The following LTF variants were observed in gnomAD, a reference collection of about 807,000 sequenced individuals.
The protein encoded by LTF is lactotransferrin, also known as epididymis luminal protein 110.
A neutral mutation model predicts 87.2 loss-of-function variants in LTF; 91 were observed. The ratio of observed to expected loss-of-function variants is 1.04; its 90% CI spans 0.88 to 1.24. LTF has a LOEUF of 1.24. Among genes scored for constraint, LTF ranks in the 50% most tolerant of loss-of-function variants. The pLI is 0.00. For synonymous variants in LTF, 378 were observed against 356.1 expected (o/e 1.06, Z -0.69); for missense variants, 901 against 904.3 (o/e 1.00, Z 0.05).
chr3:46,471,252 C>G (rs966817286), intron 1 of LTF, among the ~76,000 whole-genome samples: 1 of 152,186 alleles, frequency 6.6e-6, no homozygotes, highest in Non-Finnish European at 1.5e-5. Context: ...TGTCTCTGTC[C>G]TAATCCCTGC....
chr3:46,459,709 G>A lies in LTF; in HGVS notation c.154C>T (p.Pro52Ser). ...QRNMRKVRGPPVSCIKRDSPI... is the reference protein window; with the variant it reads ...QRNMRKVRGPSVSCIKRDSPI... ...GAGTCTCTCTTTATGCAGCTGACAG[G>A]AGGGCCACGCACTTTTCTCATATTC... The change falls in exon 2 of 17, where the codon CCT becomes TCT. Residue 52 changes from proline to serine, a missense_variant. By Grantham distance (74) the Pro-to-Ser change is moderately conservative (BLOSUM62 -1). Transcript: ENST00000231751. 1 of 1,575,052 alleles carries A rather than the reference G, an allele frequency of 6.3e-7. No individual in the cohort carries two copies. Among genetic ancestry groups the A allele is most frequent in the Non-Finnish European group, 8.6e-7 (1 of 1,164,116 alleles).
chr3:46,438,694 T>C (rs957844554), intron 15 of LTF, among the ~76,000 whole-genome samples: 3 of 152,330 alleles, frequency 2.0e-5, no homozygotes, highest in Admixed American at 2.0e-4. Flanking sequence ...AAGAGCTCCA[T>C]AAAGGCCAGT....
Position 46,445,448 on chromosome 3 carries a change from G to A in LTF, c.1358-12C>T. The stretch of plus-strand genomic sequence containing the variant: ...CACAGCAAGATATCCTGGCATAACA[G>A]ATGACAGAAAAACAAGTCTTAACCT... On this transcript the variant is annotated splice_polypyrimidine_tract_variant and intron_variant, in intron 11 of 16. Transcript: ENST00000231751. The A allele has an allele frequency of 1.2e-6, 2 of 1,606,066 alleles. No homozygotes were observed. The highest frequency in any genetic ancestry group is 4.5e-5 in the East Asian group (2 of 44,576).
At chr3:46,464,137 A>G (rs1703154184) in intron 1 of LTF, among the ~76,000 whole-genome samples, 2 of 152,102 alleles carry the variant, frequency 1.3e-5, no homozygotes, top group Admixed American at 1.3e-4. Context: ...TTAGGTCACT[A>G]ATGTGCAGCG....
chr3:46,457,604 G>A (rs1302335385), intron 2 of LTF, among the ~76,000 whole-genome samples: 2 of 152,256 alleles, frequency 1.3e-5, no homozygotes, highest in East Asian at 3.9e-4. Context: ...AGCAGGGCAG[G>A]CTATCATTCT....
At chr3:46,479,364 C>A (rs1703403385) in intron 1 of LTF, among the ~76,000 whole-genome samples, 1 of 152,180 alleles carries the variant, frequency 6.6e-6, no homozygotes, top group African/African-American at 2.4e-5. Context: ...CTGTGGGTAC[C>A]TAGAAGACCA....
rs371098365 is a variant in LTF, at chr3:46,455,765, G to A, written c.499+31C>T. On this transcript the variant is annotated intron_variant, in intron 4 of 16. Transcript: ENST00000231751. ...ACAACTGGAATAGAGCCCCCTGCCT[G>A]AGGCCACTCACTATCCCCCAGCCAT... 2.6e-6 allele frequency: 4 copies of A among 1,537,188 alleles called. No homozygotes were observed. The African/African-American group carries it at 5.5e-5, about 21-fold the overall frequency.
chr3:46,450,971 C>T (rs897156255), intron 6 of LTF, among the ~76,000 whole-genome samples: 2 of 152,162 alleles, frequency 1.3e-5, no homozygotes, highest in East Asian at 3.9e-4. Flanking sequence ...TCTGTTTCTG[C>T]GGCATCTCTG....
In LTF at chr3:46,439,470, A is replaced by C; in HGVS notation, c.1734T>G (p.Asn578Lys). Residue 578 changes from asparagine (N) to lysine (K), a missense_variant, in exon 15 of 17, where the codon AAT (asparagine) becomes AAG (lysine). Asn to Lys is a moderately conservative substitution (Grantham distance 94, BLOSUM62 0). Coordinates refer to ENST00000231751, the MANE Select transcript of LTF (RefSeq NM_002343.6). Reference protein sequence around the residue: ...TVLQNTDGNNNEAWAKDLKLA... With the variant: ...TVLQNTDGNNKEAWAKDLKLA... ...GCTTCAAATCCTTAGCCCATGCCTC[A>C]TTGTTATTTCCTGGGGAGAAAAAGA... 3 of 1,604,684 alleles carry C rather than the reference A, an allele frequency of 1.9e-6. No homozygotes were observed. Among genetic ancestry groups the C allele is most frequent in the Non-Finnish European group, 2.6e-6 (3 of 1,175,362 alleles).
intron 9 of LTF, 103 bp downstream of exon 9, chr3:46,448,760 G>T: frequency 7.1e-7 from 1 of 1,398,792 alleles, no homozygotes; most frequent in Non-Finnish European, 9.7e-7. Context: ...GCCTCACCCA[G>T]GCCCCCGTGG....
At chr3:46,445,531 G>T in intron 11 of LTF, 95 bp from the exon 12 acceptor site, 2 of 1,101,382 alleles carry the variant, frequency 1.8e-6, no homozygotes, top group East Asian at 2.6e-5. Flanking sequence ...GCCAAAACAG[G>T]CCAAGAAGCA....
Position 46,443,060 on chromosome 3 carries a change from C to T in LTF, c.1655+381G>A, listed in dbSNP as rs182617250. Among the ~76,000 whole-genome samples, 17 of 152,268 alleles carry T rather than the reference C, an allele frequency of 1.1e-4. No individual in the cohort carries two copies. In the South Asian group the frequency reaches 2.9e-3, roughly 26 times the overall value. ...AGGGAAACCTAAGCCATAGTCATGACCTAGGTGAGAAGAAAAGGGGCGGCG... is the reference window on the plus strand; with the variant it reads ...AGGGAAACCTAAGCCATAGTCATGATCTAGGTGAGAAGAAAAGGGGCGGCG... On this transcript the variant is annotated intron_variant, in intron 13 of 16. Transcript: ENST00000231751.
In LTF at chr3:46,464,837, G is replaced by C; in HGVS notation, c.31C>G (p.Leu11Val). Residue 11 changes from leucine (L) to valine (V), a missense_variant, in exon 1 of 17, where the codon CTC (leucine) becomes GTC (valine). Physicochemically the swap from Leu to Val is conservative, Grantham distance 32. Transcript: ENST00000231751. MKLVFLVLLFLGALGLCLAGR... is the reference protein window; with the variant it reads MKLVFLVLLFVGALGLCLAGR... The stretch of plus-strand genomic sequence containing the variant: ...CACCTGCACTCACCGAGGGCCCCGA[G>C]GAACAGCAGGACGAGGAAGACAAGT... 5.6e-6 allele frequency: 9 copies of C among 1,614,064 alleles called. No homozygotes were observed. Among genetic ancestry groups the C allele is most frequent in the Non-Finnish European group, 7.6e-6 (9 of 1,180,002 alleles).
chr3:46,463,924 G>A (rs890944928), intron 1 of LTF, among the ~76,000 whole-genome samples: 2 of 152,152 alleles, frequency 1.3e-5, no homozygotes, highest in East Asian at 1.9e-4. Flanking sequence ...TCTATCCACC[G>A]CCACCTCTTC....
rs757853462 is a variant in LTF, at chr3:46,450,630, G to A, written c.747C>T (p.Leu249=). The A allele has an allele frequency of 2.5e-6, 4 of 1,614,034 alleles. No individual in the cohort carries two copies. Among genetic ancestry groups the A allele is most frequent in the Non-Finnish European group, 2.5e-6 (3 of 1,179,996 alleles). Residue 249 remains leucine, a synonymous_variant, in exon 7 of 17, where the codon CTC becomes CTT. Coordinates refer to ENST00000231751, the MANE Select transcript of LTF (RefSeq NM_002343.6). ...CTGGCTTCCGAGTGTTGTCTGGGCA[G>A]AGTAACTCATACTCGTCCCTTTCAG... ...DEAERDEYEL[L]CPDNTRKPVD...
At chr3:46,476,975 T>A (rs1491004195) in intron 1 of LTF, among the ~76,000 whole-genome samples, 1 of 152,264 alleles carries the variant, frequency 6.6e-6, no homozygotes, top group Non-Finnish European at 1.5e-5. Context: ...CTTGGGGTTA[T>A]TACAATGGTG....
chr3:46,477,463 T>A (rs1703375015), intron 1 of LTF, among the ~76,000 whole-genome samples: 1 of 152,216 alleles, frequency 6.6e-6, no homozygotes, highest in Non-Finnish European at 1.5e-5. Context: ...GGGTCAGTGA[T>A]GAGAGTGGTT....
chr3:46,451,588 T>C (rs6778559), intron 6 of LTF, among the ~76,000 whole-genome samples: 64,477 of 151,846 alleles, frequency 0.42, 14,674 homozygotes, highest in African/African-American at 0.58. Context: ...ATAGATAGAA[T>C]CGGTAAAGTT....
intron 9 of LTF, among the ~76,000 whole-genome samples, chr3:46,447,771 C>G (rs1348225204): frequency 3.3e-5 from 5 of 152,194 alleles, no homozygotes; most frequent in Non-Finnish European, 5.9e-5. Flanking sequence ...GCACTCCACT[C>G]CAAGCGCTAC....
Sources: allele counts gnomAD v4.1 joint callset (sites outside exome capture counted in the v4.1 genomes callset), GRCh38; gene constraint gnomAD v4.1.1; transcripts MANE v1.5; gene names NCBI Gene and HGNC (gene_info 2026-07-23, HGNC 2026-07-21).